SCAMP1: variants seen among roughly 807,000 people sequenced by gnomAD.
SCAMP1 encodes secretory carrier membrane protein 1.
In SCAMP1, 15 loss-of-function variants were observed where a neutral mutation model predicts 41.8. The ratio of observed to expected loss-of-function variants is 0.36; its 90% confidence interval spans 0.24 to 0.55. The LOEUF is 0.55. Ranked by LOEUF, SCAMP1 falls within the 20% of genes least tolerant of loss-of-function variation. SCAMP1 has a pLI of 0.86. For missense variants in SCAMP1, 341 were observed against 412.6 expected (o/e 0.83, Z 1.50); for synonymous variants, 135 against 136.8 (o/e 0.99, Z 0.09).
rs546447164 is a variant in SCAMP1 at position 78,415,048 on chromosome 5, G to A, written c.136-472G>A. Among the ~76,000 whole-genome samples, 289 of 150,998 alleles carry A rather than the reference G, an allele frequency of 1.9e-3. 4 individuals carry two copies. The highest frequency in any genetic ancestry group is 0.013 in the South Asian group (63 of 4,782). ...GGCTCACTGCAGCCTCCACCTCCCC[G>A]GTTCAAGTGATTCTCCTGCCTCAGC... On this transcript the variant is annotated intron_variant, in intron 2 of 8. Transcript: ENST00000621999.
chr5:78,426,502 C>T (rs1752474161), intron 6 of SCAMP1, among the ~76,000 whole-genome samples: 2 of 152,180 alleles, frequency 1.3e-5, no homozygotes, highest in South Asian at 2.1e-4. Context: ...GAGATTGTAT[C>T]TCATTGTGGT....
chr5:78,457,505 G>C (rs1231162142), intron 7 of SCAMP1, among the ~76,000 whole-genome samples: 1 of 152,182 alleles, frequency 6.6e-6, no homozygotes, highest in African/African-American at 2.4e-5. Context: ...TCGGGGGTCA[G>C]GGGTCAGGGA....
intron 1 of SCAMP1, among the ~76,000 whole-genome samples, chr5:78,368,062 G>C (rs1750842942): frequency 6.6e-6 from 1 of 152,066 alleles, no homozygotes; most frequent in African/African-American, 2.4e-5. Context: ...TATTAATTTT[G>C]AACTGTTTCT....
chr5:78,449,828 G>A (rs930805346), intron 6 of SCAMP1, 105 bp from the exon 7 acceptor site: 4 of 649,160 alleles, frequency 6.2e-6, no homozygotes, highest in African/African-American at 1.9e-5. Flanking sequence ...AGGTTTGAAT[G>A]TCATTCTGCA....
Position 78,418,976 on chromosome 5 carries a change from A to G in SCAMP1, c.472+73A>G. The G allele has an allele frequency of 5.6e-6, 7 of 1,253,370 alleles. No individual in the cohort carries two copies. The South Asian group carries it at 5.8e-5, about 10-fold the overall frequency. The allele number at this position is 1,253,370 out of a possible 1,614,324, so 77.6% of individuals were successfully genotyped here. A position where few individuals can be genotyped will look rare whatever the true frequency, so the allele number is the denominator to read the frequency against. The stretch of plus-strand genomic sequence containing the variant: ...TGTCAAAATCCGCATTTTTATTTCA[A>G]GGATAGTATAGCAAACCAGTCTTCT... On this transcript the variant is annotated intron_variant, in intron 5 of 8. Coordinates refer to ENST00000621999, the MANE Select transcript of SCAMP1 (RefSeq NM_004866.6).
In SCAMP1 at chr5:78,449,916, C is replaced by A; in HGVS notation, c.633-17C>A. 1.8e-6 allele frequency: 2 copies of A among 1,089,556 alleles called. No homozygotes were observed. Among genetic ancestry groups the A allele is most frequent in the Non-Finnish European group, 2.5e-6 (2 of 806,984 alleles). The allele number at this position is 1,089,556 out of a possible 1,614,324, so 67.5% of individuals were successfully genotyped here. A position where few individuals can be genotyped will look rare whatever the true frequency, so the allele number is the denominator to read the frequency against. On this transcript the variant is annotated splice_polypyrimidine_tract_variant and intron_variant, in intron 6 of 8. Transcript: ENST00000621999. ...CCCTAACCCCCTTTTTTCTTTCTTTCTTTTTTTTTTTCAAAGGAGTGACAG... is the reference window on the plus strand; with the variant it reads ...CCCTAACCCCCTTTTTTCTTTCTTTATTTTTTTTTTTCAAAGGAGTGACAG...
chr5:78,423,012 GCGCGCACACACACACACACA>G (rs72151131), intron 6 of SCAMP1, among the ~76,000 whole-genome samples: 55,788 of 150,814 alleles, frequency 0.37, 12,290 homozygotes, highest in Non-Finnish European at 0.5. Context: ...ACACACGCGC[GCGCGCACACACACACACACA>G]CACACACACA....
intron 1 of SCAMP1, among the ~76,000 whole-genome samples, chr5:78,384,710 C>G (rs1751300326): frequency 6.6e-6 from 1 of 151,978 alleles, no homozygotes; most frequent in Non-Finnish European, 1.5e-5. Flanking sequence ...TTGAGATGAT[C>G]AGGTAATTCT....
At chr5:78,402,917 G>T (rs893383833) in intron 2 of SCAMP1, among the ~76,000 whole-genome samples, 1 of 152,020 alleles carries the variant, frequency 6.6e-6, no homozygotes, top group Admixed American at 6.6e-5. Flanking sequence ...TGTCACCCAG[G>T]CTGGAGTGCA....
Position 78,476,087 on chromosome 5 carries a change from T to G in SCAMP1, c.*419T>G, listed in dbSNP as rs1753997188. Reference sequence around the variant, plus strand: ...TTCATTCCTTTTTCCCTATTTATATTGAAAGAAATAGGCCAGCAGAGACTT... The same window carrying G: ...TTCATTCCTTTTTCCCTATTTATATGGAAAGAAATAGGCCAGCAGAGACTT... On this transcript the variant is annotated 3_prime_UTR_variant, in exon 9 of 9. Coordinates refer to ENST00000621999, the MANE Select transcript of SCAMP1 (RefSeq NM_004866.6). The G allele has an allele frequency of 6.5e-6, 1 of 152,762 alleles. No homozygotes were observed. 9.5% of individuals were successfully genotyped at this position (152,762 alleles called of 1,614,324 possible).
intron 8 of SCAMP1, among the ~76,000 whole-genome samples, chr5:78,469,913 CA>C (rs1561290939): frequency 0.013 from 292 of 23,220 alleles, 1 homozygote; most frequent in Admixed American, 0.021. Context: ...AAAAAAAAAA[CA>C]AAAAAAAAAA....
At chr5:78,365,189 T>A (rs1312873511) in intron 1 of SCAMP1, among the ~76,000 whole-genome samples, 1 of 151,978 alleles carries the variant, frequency 6.6e-6, no homozygotes, top group Admixed American at 6.6e-5. Context: ...AAATTCTGTT[T>A]AATGGCCAGG....
chr5:78,383,870 C>T (rs1751271279), intron 1 of SCAMP1, among the ~76,000 whole-genome samples: 1 of 152,070 alleles, frequency 6.6e-6, no homozygotes, highest in Non-Finnish European at 1.5e-5. Context: ...TAATGTAATG[C>T]CTCCAGTTTT....
At chr5:78,378,517 A>C (rs1751120275) in intron 1 of SCAMP1, among the ~76,000 whole-genome samples, 1 of 152,246 alleles carries the variant, frequency 6.6e-6, no homozygotes, top group South Asian at 2.1e-4. Context: ...AGAGAAACCT[A>C]GTATTGAAGA....
chr5:78,430,401 C>G (rs1473752006), intron 6 of SCAMP1, among the ~76,000 whole-genome samples: 2 of 146,418 alleles, frequency 1.4e-5, no homozygotes, highest in Non-Finnish European at 3.0e-5. Flanking sequence ...CTTTATTTTA[C>G]ACACATACAC....
At position 78,398,059 on chromosome 5, in the gene SCAMP1, A is replaced by G. The variant is rs116671776; in HGVS notation, c.135+9145A>G. Among the ~76,000 whole-genome samples, 1,010 of 152,310 alleles carry G rather than the reference A, an allele frequency of 6.6e-3. 8 individuals are homozygous for G. Among genetic ancestry groups the G allele is most frequent in the African/African-American group, 0.023 (959 of 41,570 alleles). ...TTTGCTAGCTCTAGACATTTGTTAA[A>G]CGTGGAGTTACCATATGACCCTGTA... On this transcript the variant is annotated intron_variant, in intron 2 of 8. Transcript: ENST00000621999.
At chr5:78,393,586 C>G (rs1022468171) in intron 2 of SCAMP1, among the ~76,000 whole-genome samples, 1 of 152,180 alleles carries the variant, frequency 6.6e-6, no homozygotes, top group South Asian at 2.1e-4. Flanking sequence ...ATGAAAGCCT[C>G]TTGAGCACTT....
chr5:78,422,950 A>G (rs1561269727), intron 6 of SCAMP1, among the ~76,000 whole-genome samples: 1 of 152,178 alleles, frequency 6.6e-6, no homozygotes, highest in Non-Finnish European at 1.5e-5. Flanking sequence ...TTAAGTGTTC[A>G]GTATGTTTTG....
intron 4 of SCAMP1, among the ~76,000 whole-genome samples, chr5:78,417,393 A>AG (rs755583775): frequency 7.9e-5 from 12 of 152,354 alleles, no homozygotes; most frequent in Non-Finnish European, 1.6e-4. Context: ...CATCAGAGGT[A>AG]GCATCTATAG....
Sources: gnomAD v4.1 joint callset for allele counts (sites outside exome capture counted in the v4.1 genomes callset) on GRCh38, gnomAD v4.1.1 for gene constraint, MANE v1.5 for transcripts, NCBI Gene and HGNC (gene_info 2026-07-23, HGNC 2026-07-21) for gene names.